The following ZW10 variants were observed in gnomAD, a reference collection of about 807,000 sequenced individuals.
ZW10 encodes zw10 kinetochore protein, also known as centromere/kinetochore protein zw10 homolog.
In ZW10, 53 loss-of-function variants were observed where a neutral mutation model predicts 87.8. That is an observed-to-expected ratio of 0.60 (90% confidence interval 0.48 to 0.76). The LOEUF (loss-of-function observed/expected upper bound fraction) is 0.76, where lower values mean the gene tolerates loss of function less well. Among genes scored for constraint, ZW10 ranks in the 30% least tolerant of loss-of-function variants. The pLI is 0.00. For missense variants in ZW10, 837 were observed against 923.0 expected, an observed-to-expected ratio of 0.91 and a Z score of 1.21; for synonymous variants, 312 against 329.2, an observed-to-expected ratio of 0.95 and a Z score of 0.57.
At chr11:113,741,844 T>G (rs1191087973) in intron 10 of ZW10, 79 bp from the exon 11 acceptor site, 2 of 939,858 alleles carry the variant, frequency 2.1e-6, no homozygotes, top group Non-Finnish European at 3.3e-6. Context: ...TAAGTGCATC[T>G]TCAGTGAGAG....
intron 9 of ZW10, among the ~76,000 whole-genome samples, chr11:113,746,495 C>CAAAA (rs566009326): frequency 3.9e-4 from 41 of 105,296 alleles, no homozygotes; most frequent in East Asian, 7.9e-4. Flanking sequence ...ACAAAACAGT[C>CAAAA]AAAAAAAAAA....
chr11:113,760,956 A>G (rs753779832), intron 2 of ZW10, 38 bp from the exon 3 acceptor site: 5 of 1,526,690 alleles, frequency 3.3e-6, no homozygotes, highest in Non-Finnish European at 4.5e-6. Context: ...TTTAAGCTAT[A>G]CCATACCTAA....
chr11:113,762,671 C>T (rs960605252), intron 2 of ZW10, among the ~76,000 whole-genome samples: 2 of 152,106 alleles, frequency 1.3e-5, no homozygotes, highest in African/African-American at 4.8e-5. Flanking sequence ...GCACCCACTA[C>T]CATGCCCAGC....
At chr11:113,752,763 C>A (rs1953747109) in intron 7 of ZW10, among the ~76,000 whole-genome samples, 2 of 152,186 alleles carry the variant, frequency 1.3e-5, no homozygotes, top group South Asian at 4.1e-4. Flanking sequence ...TTTCCCTATT[C>A]CCTGAGACAC....
At chr11:113,757,633 T>C (rs780198058) in intron 7 of ZW10, 29 bp downstream of exon 7, 6 of 1,373,812 alleles carry the variant, frequency 4.4e-6, no homozygotes, top group African/African-American at 1.5e-5. Context: ...GTTTCCAAAA[T>C]ATAAAAGCAC....
At chr11:113,763,052 T>C (rs141538944) in intron 2 of ZW10, among the ~76,000 whole-genome samples, 1 of 152,258 alleles carries the variant, frequency 6.6e-6, no homozygotes, top group Non-Finnish European at 1.5e-5. Flanking sequence ...GTGTGTGTTG[T>C]TCCCCTCTTT....
chr11:113,739,256 G>T lies in ZW10; in HGVS notation c.1710C>A (p.Gly570=). ...RLRLAPILCD[G]TATFVDLVPG... is the part of the protein sequence containing the mutation. The stretch of plus-strand genomic sequence containing the variant: ...GTACAAGATCCACAAAAGTAGCAGT[G>T]CCATCACAAAGAATGGGGGCAAGAC... Residue 570 remains glycine, a synonymous_variant, in exon 12 of 16, where the codon GGC becomes GGA. Coordinates refer to ENST00000200135, the MANE Select transcript of ZW10 (RefSeq NM_004724.4). 3.1e-6 allele frequency: 5 copies of T among 1,613,908 alleles called. No individual in the cohort carries two copies. The highest frequency in any genetic ancestry group is 4.2e-6 in the Non-Finnish European group (5 of 1,179,924).
rs776979617 is a variant in ZW10 at position 113,760,209 on chromosome 11, C to G, written c.580G>C (p.Asp194His). 7 of 1,613,780 alleles carry G rather than the reference C, an allele frequency of 4.3e-6. No individual in the cohort carries two copies. Among genetic ancestry groups the G allele is most frequent in the South Asian group, 1.1e-5 (1 of 90,992 alleles). The change falls in exon 5 of 16, where the codon GAT (aspartate) becomes CAT (histidine). Residue 194 changes from aspartate to histidine, a missense_variant and splice_region_variant. Transcript: ENST00000200135. ...GCAGTCCACCTGAGGTCAGCAGCACCTTTTGATGGTGGGAACTTCCATACA... is the reference window on the plus strand; with the variant it reads ...GCAGTCCACCTGAGGTCAGCAGCACGTTTTGATGGTGGGAACTTCCATACA... ...LIVWKFPPSK[D>H]TSSLESYLQT...
chr11:113,770,953 G>A (rs987938733), intron 1 of ZW10, among the ~76,000 whole-genome samples: 6 of 149,414 alleles, frequency 4.0e-5, no homozygotes, highest in African/African-American at 9.9e-5. Flanking sequence ...TCCTCAAGTC[G>A]GGGACTTGAG....
intron 7 of ZW10, 29 bp downstream of exon 7, chr11:113,757,628 CAAAAT>C: frequency 7.4e-7 from 1 of 1,348,390 alleles, no homozygotes; most frequent in Non-Finnish European, 9.7e-7. Flanking sequence ...ATTTAGTTTC[CAAAAT>C]ATAAAAGCAC....
chr11:113,747,746 A>T, intron 8 of ZW10, 33 bp from the exon 9 acceptor site: 1 of 1,497,628 alleles, frequency 6.7e-7, no homozygotes, highest in Non-Finnish European at 9.0e-7. Flanking sequence ...GAAAAGAATC[A>T]TTTACATATA....
rs760601789 is a variant in ZW10 at position 113,743,852 on chromosome 11, C to T, written c.1461G>A (p.Met487Ile). 6.2e-7 allele frequency: 1 copy of T among 1,614,178 alleles called. No individual in the cohort carries two copies. Among genetic ancestry groups the T allele is most frequent in the South Asian group, 1.1e-5 (1 of 91,086 alleles). ...CTAGTAAAGTCTGATAGGCGAGTTC[C>T]ATTAATTTCTTCACAGACTCACTGA... is the stretch of plus-strand genomic sequence containing the variant. ...CRISESVKKL[M>I]ELAYQTLLEA... Residue 487 changes from methionine (M) to isoleucine (I), a missense_variant, in exon 10 of 16, where the codon ATG becomes ATA. Met to Ile is a conservative substitution (Grantham distance 10, BLOSUM62 1). Transcript: ENST00000200135.
chr11:113,745,151 G>A (rs559004818), intron 9 of ZW10, among the ~76,000 whole-genome samples: 146 of 152,006 alleles, frequency 9.6e-4, no homozygotes, highest in African/African-American at 3.3e-3. Flanking sequence ...TGAAAGAACA[G>A]TAGGCTGTGA....
chr11:113,749,349 A>G (rs1450117091), intron 7 of ZW10, among the ~76,000 whole-genome samples: 1 of 152,216 alleles, frequency 6.6e-6, no homozygotes, highest in Non-Finnish European at 1.5e-5. Context: ...TGACTGAGAA[A>G]TTCAACTTTT....
At position 113,749,507 on chromosome 11, in the gene ZW10, T is replaced by C. The variant is rs560643060; in HGVS notation, c.926-1087A>G. On this transcript the variant is annotated intron_variant, in intron 7 of 15. Coordinates refer to ENST00000200135, the MANE Select transcript of ZW10 (RefSeq NM_004724.4). ...ACATGAGTTTACACATATGAAAAAA[T>C]TGCACAGAACTACAGAAACACACAC... Among the ~76,000 whole-genome samples, 23 of 151,968 alleles carry C rather than the reference T, an allele frequency of 1.5e-4. No individual in the cohort carries two copies. In the South Asian group the frequency reaches 2.1e-3, roughly 14 times the overall value.
intron 7 of ZW10, among the ~76,000 whole-genome samples, chr11:113,752,094 A>G (rs75151483): frequency 6.6e-5 from 10 of 152,372 alleles, no homozygotes; most frequent in Admixed American, 2.0e-4. Flanking sequence ...TTCTTTGCCA[A>G]TGCTCATTAG....
intron 7 of ZW10, among the ~76,000 whole-genome samples, chr11:113,754,212 C>T (rs1003572138): frequency 3.3e-5 from 5 of 152,164 alleles, no homozygotes; most frequent in African/African-American, 9.7e-5. Flanking sequence ...AGGCCGGGTG[C>T]GATGGCTCAC....
At chr11:113,748,859 CAG>C (rs1448113045) in intron 7 of ZW10, among the ~76,000 whole-genome samples, 1 of 152,160 alleles carries the variant, frequency 6.6e-6, no homozygotes, top group East Asian at 1.9e-4. Flanking sequence ...GTTTATAAAA[CAG>C]AATACTTCAA....
intron 1 of ZW10, among the ~76,000 whole-genome samples, chr11:113,772,890 G>A: frequency 6.6e-6 from 1 of 151,838 alleles, no homozygotes; most frequent in Non-Finnish European, 1.5e-5. Flanking sequence ...GGGAGGCTGA[G>A]GCAGGAGAAT....
Sources: allele counts gnomAD v4.1 joint callset (sites outside exome capture counted in the v4.1 genomes callset), GRCh38; gene constraint gnomAD v4.1.1; transcripts MANE v1.5; gene names NCBI Gene and HGNC (gene_info 2026-07-23, HGNC 2026-07-21).